Variants in SNX29 observed in about 807,000 individuals in gnomAD.
SNX29 encodes the protein sorting nexin-29.
Under a neutral mutation model 102.1 loss-of-function variants are expected in SNX29, and 78 were observed. The ratio of observed to expected loss-of-function variants is 0.76; its 90% CI spans 0.64 to 0.92. The LOEUF (loss-of-function observed/expected upper bound fraction) is 0.92, where lower values mean the gene tolerates loss of function less well. Ranked by LOEUF, SNX29 falls within the 40% of genes least tolerant of loss-of-function variation. The probability of loss-of-function intolerance (pLI) is 0.00; values close to 1 mark genes in which losing one functional copy is unlikely to be tolerated. For missense variants in SNX29, 1,280 were observed against 1,061.7 expected, an observed-to-expected ratio of 1.21 and a Z score of -2.86; for synonymous variants, 580 against 414.5, an observed-to-expected ratio of 1.40 and a Z score of -4.85.
intron 4 of SNX29, among the ~76,000 whole-genome samples, chr16:12,036,052 T>A (rs1596653566): frequency 6.6e-6 from 1 of 152,076 alleles, no homozygotes; most frequent in Admixed American, 6.6e-5. Flanking sequence ...GGGGTTGGAT[T>A]TTCTTTGTGT....
At chr16:12,508,292 C>T (rs889557106) in intron 19 of SNX29, among the ~76,000 whole-genome samples, 1 of 152,286 alleles carries the variant, frequency 6.6e-6, no homozygotes, top group Admixed American at 6.5e-5. Context: ...TGCTTCCCAG[C>T]GTGTCTGGAT....
At chr16:12,255,782 G>T (rs186933471) in intron 14 of SNX29, among the ~76,000 whole-genome samples, 2 of 152,288 alleles carry the variant, frequency 1.3e-5, no homozygotes, top group Admixed American at 6.5e-5. Flanking sequence ...TCTGTTGATG[G>T]ACACAGGTTG....
At chr16:12,471,843 G>A (rs2087356185) in intron 18 of SNX29, among the ~76,000 whole-genome samples, 1 of 152,208 alleles carries the variant, frequency 6.6e-6, no homozygotes, top group Admixed American at 6.5e-5. Context: ...GCACCCAGAA[G>A]ACTCCTTTGT....
intron 13 of SNX29, among the ~76,000 whole-genome samples, chr16:12,181,180 C>G (rs528078192): frequency 6.6e-6 from 1 of 152,250 alleles, no homozygotes; most frequent in South Asian, 2.1e-4. Flanking sequence ...TTTTATGAAC[C>G]CCGAATATCT....
chr16:12,246,885 A>G (rs767013239), intron 14 of SNX29, among the ~76,000 whole-genome samples: 6 of 151,956 alleles, frequency 3.9e-5, no homozygotes, highest in Non-Finnish European at 8.8e-5. Context: ...TCTGTGGGAG[A>G]GGAAGGTGTC....
chr16:12,165,242 T>C (rs1474535808), intron 13 of SNX29, among the ~76,000 whole-genome samples: 1 of 152,266 alleles, frequency 6.6e-6, no homozygotes, highest in African/African-American at 2.4e-5. Context: ...CCTGCGTAAT[T>C]GTCCTGAAGA....
intron 14 of SNX29, among the ~76,000 whole-genome samples, chr16:12,219,949 C>T (rs1404743835): frequency 6.6e-6 from 1 of 152,130 alleles, no homozygotes; most frequent in Admixed American, 6.5e-5. Flanking sequence ...CGTGCACGTG[C>T]ACGCACACAC....
intron 13 of SNX29, chr16:12,135,582 C>A: frequency 7.5e-7 from 1 of 1,338,126 alleles, no homozygotes; most frequent in Admixed American, 2.2e-5. Flanking sequence ...GAGATTCTAA[C>A]CCCACGTGAG....
At chr16:12,222,395 A>C (rs1280815283) in intron 14 of SNX29, among the ~76,000 whole-genome samples, 1 of 152,216 alleles carries the variant, frequency 6.6e-6, no homozygotes, top group African/African-American at 2.4e-5. Context: ...CACAGTGGAC[A>C]TGCATTGTTT....
At chr16:12,114,210 T>C (rs2053604519) in intron 11 of SNX29, among the ~76,000 whole-genome samples, 1 of 152,066 alleles carries the variant, frequency 6.6e-6, no homozygotes, top group African/African-American at 2.4e-5. Context: ...TTAAGTAAAA[T>C]AAGGGAATAA....
chr16:12,082,423 C>T (rs2051947238), intron 11 of SNX29, among the ~76,000 whole-genome samples: 1 of 152,176 alleles, frequency 6.6e-6, no homozygotes, highest in South Asian at 2.1e-4. Flanking sequence ...GGTGTCTGGG[C>T]CTTCCTCAGC....
intron 5 of SNX29, among the ~76,000 whole-genome samples, chr16:12,045,644 T>C (rs2050057229): frequency 6.7e-6 from 1 of 148,434 alleles, no homozygotes; most frequent in Admixed American, 6.8e-5. Context: ...TTATTATTAT[T>C]ATTTTGAGGT....
intron 19 of SNX29, among the ~76,000 whole-genome samples, chr16:12,500,172 A>G (rs2089043828): frequency 6.6e-6 from 1 of 151,084 alleles, no homozygotes; most frequent in Admixed American, 6.6e-5. Flanking sequence ...TTTTTCTGTT[A>G]ATTTATGCAG....
chr16:12,350,159 G>A (rs2081954134), intron 15 of SNX29, among the ~76,000 whole-genome samples: 5 of 152,126 alleles, frequency 3.3e-5, no homozygotes, highest in Non-Finnish European at 1.5e-5. Flanking sequence ...TATTGAGGTA[G>A]CAACACTGCA....
At chr16:12,189,321 G>T (rs60632965) in intron 13 of SNX29, among the ~76,000 whole-genome samples, 13,140 of 152,174 alleles carry the variant, frequency 0.086, 1,519 homozygotes, top group African/African-American at 0.26. Context: ...AATGACACAT[G>T]GCATGTGATT....
At chr16:12,419,755 C>G (rs1370527825) in intron 18 of SNX29, among the ~76,000 whole-genome samples, 1 of 152,202 alleles carries the variant, frequency 6.6e-6, no homozygotes, top group Non-Finnish European at 1.5e-5. Context: ...GTCTTTGACT[C>G]TCAATGGTCT....
intron 14 of SNX29, among the ~76,000 whole-genome samples, chr16:12,241,725 G>T (rs2078110511): frequency 6.6e-6 from 1 of 152,190 alleles, no homozygotes; most frequent in South Asian, 2.1e-4. Flanking sequence ...GCCTCCCAAA[G>T]TGCTGGGATT....
intron 2 of SNX29, among the ~76,000 whole-genome samples, chr16:12,001,780 G>T (rs1456308226): frequency 6.6e-6 from 1 of 152,146 alleles, no homozygotes; most frequent in Non-Finnish European, 1.5e-5. Context: ...TGCTTTGAGA[G>T]GTTGGGGCAG....
intron 18 of SNX29, among the ~76,000 whole-genome samples, chr16:12,465,574 G>A (rs2087013170): frequency 6.6e-6 from 1 of 152,086 alleles, no homozygotes; most frequent in South Asian, 2.1e-4. Flanking sequence ...CTATGTGTCT[G>A]TTTTTAATGA....
Sources: gnomAD v4.1 joint callset for allele counts (sites outside exome capture counted in the v4.1 genomes callset) on GRCh38, gnomAD v4.1.1 for gene constraint, MANE v1.5 for transcripts, NCBI Gene and HGNC (gene_info 2026-07-23, HGNC 2026-07-21) for gene names.